Variants in ELF1 observed in about 807,000 individuals in gnomAD.
The protein encoded by ELF1 is E74 like ETS transcription factor 1, also known as ETS-related transcription factor Elf-1.
A neutral mutation model predicts 59.9 loss-of-function variants in ELF1; 24 were observed. The observed-to-expected ratio is 0.40, with a 90% confidence interval of 0.29 to 0.56. The LOEUF (loss-of-function observed/expected upper bound fraction) is 0.56. ELF1 is among the 20% of genes least tolerant of loss of function. The pLI is 0.44. For missense variants in ELF1, 627 were observed against 742.2 expected, an observed-to-expected ratio of 0.84 and a Z score of 1.80; for synonymous variants, 248 against 266.2, an observed-to-expected ratio of 0.93 and a Z score of 0.67.
chr13:41,045,061 G>T (rs1270071723), intron 1 of ELF1, among the ~76,000 whole-genome samples: 2 of 152,062 alleles, frequency 1.3e-5, no homozygotes, highest in East Asian at 3.8e-4. Flanking sequence ...ATTTCTTCTA[G>T]ATTTTCTAGT....
At chr13:40,974,893 A>G (rs1216343869) in intron 2 of ELF1, among the ~76,000 whole-genome samples, 1 of 152,196 alleles carries the variant, frequency 6.6e-6, no homozygotes, top group Non-Finnish European at 1.5e-5. Flanking sequence ...GCCTTTATGC[A>G]AAGTCAGATC....
intron 3 of ELF1, among the ~76,000 whole-genome samples, chr13:40,958,561 G>T (rs1177170288): frequency 6.6e-6 from 1 of 151,586 alleles, no homozygotes; most frequent in Non-Finnish European, 1.5e-5. Context: ...GTGAAGACTT[G>T]ATGAATTGAG....
At chr13:41,012,247 A>G (rs1163076654) in intron 1 of ELF1, among the ~76,000 whole-genome samples, 1 of 139,442 alleles carries the variant, frequency 7.2e-6, no homozygotes, top group African/African-American at 2.7e-5. Flanking sequence ...CAGGAGCCAG[A>G]GGTTGCAGAG....
At chr13:41,017,723 T>A (rs1430925977) in intron 1 of ELF1, among the ~76,000 whole-genome samples, 1 of 152,074 alleles carries the variant, frequency 6.6e-6, no homozygotes, top group Non-Finnish European at 1.5e-5. Context: ...CTTTAATAAA[T>A]AAGATCTTAA....
chr13:40,955,378 G>A (rs1177927666), intron 3 of ELF1, among the ~76,000 whole-genome samples: 1 of 142,582 alleles, frequency 7.0e-6, no homozygotes, highest in African/African-American at 2.6e-5. Context: ...GAGATGGGGG[G>A]GTCATCCCCC....
In ELF1 at chr13:40,934,006, C is replaced by T. The variant is rs779209874; in HGVS notation, c.1279G>A (p.Val427Ile). The T allele has an allele frequency of 9.3e-6, 15 of 1,613,906 alleles. No individual in the cohort carries two copies. Among genetic ancestry groups the T allele is most frequent in the East Asian group, 2.2e-5 (1 of 44,906 alleles). Residue 427 changes from valine to isoleucine, a missense_variant, in exon 9 of 9, where the codon GTT becomes ATT. Physicochemically the swap from Val to Ile is conservative, Grantham distance 29. Coordinates refer to ENST00000239882, the MANE Select transcript of ELF1 (RefSeq NM_172373.4). ...TTCCTAGGAGACACAACCACTGGAA[C>T]TTGGGTTGGAGCCTGTATAGTCCTA... ...SIRTIQAPTQ[V>I]PVVVSPRNQQ...
chr13:41,060,929 C>T lies in ELF1; in HGVS notation c.-320G>A, dbSNP rs972457828. ...AAGCTGCTGCTGCCGCCGCCGCCGC[C>T]GCCGCCGCCGCCGCCGCTGCTGCTG... On this transcript the variant is annotated 5_prime_UTR_variant, in exon 1 of 2. Transcript: ENST00000405737. The T allele has an allele frequency of 2.9e-4, 107 of 363,652 alleles. 1 individual carries two copies. Among genetic ancestry groups the T allele is most frequent in the South Asian group, 5.4e-4 (27 of 49,762 alleles). The allele number at this position is 363,652 out of a possible 1,614,324, so 22.5% of individuals were successfully genotyped here.
chr13:40,981,593 CGTT>C (rs977542192), intron 2 of ELF1, among the ~76,000 whole-genome samples: 1 of 152,076 alleles, frequency 6.6e-6, no homozygotes, highest in African/African-American at 2.4e-5. Flanking sequence ...GGACCGCTAA[CGTT>C]GTCTCATCTA....
chr13:41,036,132 G>A (rs1025671739), intron 1 of ELF1, among the ~76,000 whole-genome samples: 2 of 151,746 alleles, frequency 1.3e-5, no homozygotes, highest in African/African-American at 4.8e-5. Flanking sequence ...TAGCCAGGAT[G>A]GTTTTGAACT....
chr13:41,021,179 A>T (rs151254083), upstream of ELF1, among the ~76,000 whole-genome samples: 194 of 152,358 alleles, frequency 1.3e-3, no homozygotes, highest in Non-Finnish European at 2.4e-3. Context: ...ACAGGTATCT[A>T]AAAGGATAAG....
chr13:41,010,627 A>G (rs1226231294), intron 1 of ELF1, among the ~76,000 whole-genome samples: 1 of 152,140 alleles, frequency 6.6e-6, no homozygotes, highest in African/African-American at 2.4e-5. Context: ...AATTAGTAAA[A>G]TATATGCATA....
intron 3 of ELF1, among the ~76,000 whole-genome samples, chr13:40,951,860 C>T (rs1870875719): frequency 6.6e-6 from 1 of 150,944 alleles, no homozygotes; most frequent in Non-Finnish European, 1.5e-5. Context: ...GAGTGAGACT[C>T]TGTCTTAAAA....
intron 1 of ELF1, among the ~76,000 whole-genome samples, chr13:41,047,310 G>A (rs553700772): frequency 2.4e-4 from 36 of 152,322 alleles, no homozygotes; most frequent in African/African-American, 6.7e-4. Context: ...GCTTTGTTCC[G>A]TTGCTGGCGA....
intron 1 of ELF1, among the ~76,000 whole-genome samples, chr13:41,058,255 T>A (rs1877360855): frequency 6.6e-6 from 1 of 152,168 alleles, no homozygotes; most frequent in Non-Finnish European, 1.5e-5. Context: ...CCCAGCTTGA[T>A]CTCCCATGGC....
chr13:41,019,368 T>C (rs1875598099), upstream of ELF1: 4 of 985,176 alleles, frequency 4.1e-6, no homozygotes, highest in South Asian at 9.4e-5. Flanking sequence ...AAACCAAGTG[T>C]TTCTAAGGGA....
At chr13:40,991,347 CCTTT>C (rs997668081) in intron 1 of ELF1, among the ~76,000 whole-genome samples, 3 of 152,198 alleles carry the variant, frequency 2.0e-5, no homozygotes, top group Non-Finnish European at 2.9e-5. Context: ...CTGTAAGGGA[CCTTT>C]CTATTTACAG....
At chr13:40,961,041 TTAAG>T (rs1377021387) in intron 2 of ELF1, among the ~76,000 whole-genome samples, 4 of 152,214 alleles carry the variant, frequency 2.6e-5, no homozygotes, top group African/African-American at 9.6e-5. Context: ...GCTATTTTCC[TTAAG>T]TAAGTCTGCT....
chr13:41,047,404 TGGTTTTATCTAC>T (rs1876895542), intron 1 of ELF1, among the ~76,000 whole-genome samples: 1 of 152,226 alleles, frequency 6.6e-6, no homozygotes, highest in African/African-American at 2.4e-5. Flanking sequence ...CCCATCTTTG[TGGTTTTATCTAC>T]CTTTGGTCTT....
chr13:41,019,510 G>C (rs1875602839), upstream of ELF1: 1 of 473,478 alleles, frequency 2.1e-6, no homozygotes, highest in Non-Finnish European at 2.8e-6. Flanking sequence ...CCATTACTAA[G>C]CTCATATTAA....
Sources: gnomAD v4.1 joint callset for allele counts (sites outside exome capture counted in the v4.1 genomes callset) on GRCh38, gnomAD v4.1.1 for gene constraint, MANE v1.5 for transcripts, NCBI Gene and HGNC (gene_info 2026-07-23, HGNC 2026-07-21) for gene names.